Variants in TBC1D4 observed in about 807,000 individuals in gnomAD.
The protein encoded by TBC1D4 is TBC (Tre-2, BUB2, CDC16) domain-containing protein.
TBC1D4 carries 121 observed loss-of-function variants against 142.5 expected under a neutral mutation model. That is an observed-to-expected ratio of 0.85 (90% confidence interval 0.73 to 0.99). The LOEUF is 0.99. TBC1D4 is among the 50% of genes least tolerant of loss of function. The pLI, the probability that TBC1D4 is intolerant of heterozygous loss-of-function variation, is 0.00. For synonymous variants in TBC1D4, 630 were observed against 628.2 expected, an observed-to-expected ratio of 1.00 and a Z score of -0.04; for missense variants, 1,475 against 1,606.6, an observed-to-expected ratio of 0.92 and a Z score of 1.40.
intron 1 of TBC1D4, 55 bp downstream of exon 1, chr13:75,481,215 C>CACCCCCCA: frequency 8.0e-7 from 1 of 1,244,440 alleles, no homozygotes. Context: ...TCCCGCCCTG[C>CACCCCCCA]TCCCCGATCC....
chr13:75,306,747 T>C (rs1340044088), intron 14 of TBC1D4, among the ~76,000 whole-genome samples: 2 of 152,162 alleles, frequency 1.3e-5, no homozygotes, highest in African/African-American at 4.8e-5. Context: ...GTAAACCGTG[T>C]TGATCATTCT....
chr13:75,444,668 T>TA (rs975060322), intron 1 of TBC1D4, among the ~76,000 whole-genome samples: 1 of 152,152 alleles, frequency 6.6e-6, no homozygotes, highest in East Asian at 1.9e-4. Context: ...CCTTAACACT[T>TA]ACAAAACAAC....
chr13:75,324,266 T>A lies in TBC1D4; in HGVS notation c.2169A>T (p.Arg723Ser). Residue 723 changes from arginine (R) to serine (S), a missense_variant, in exon 11 of 21, where the codon AGA (arginine) becomes AGT (serine). Transcript: ENST00000377636. Reference sequence around the variant, plus strand: ...TTTCATTTTCATACTGTGGGGACAGTCTACCTGAATTCTGGTAAAAGCTTT... The same window carrying A: ...TTTCATTTTCATACTGTGGGGACAGACTACCTGAATTCTGGTAAAAGCTTT... Reference protein sequence around the residue: ...FLKSFYQNSGRLSPQYENEIR... With the variant: ...FLKSFYQNSGSLSPQYENEIR... 1.9e-6 allele frequency: 3 copies of A among 1,613,874 alleles called. No individual in the cohort carries two copies. The highest frequency in any genetic ancestry group is 2.5e-6 in the Non-Finnish European group (3 of 1,179,790).
At chr13:75,470,986 A>AAAAAATC (rs1888376097) in intron 1 of TBC1D4, among the ~76,000 whole-genome samples, 1 of 110,458 alleles carries the variant, frequency 9.1e-6, no homozygotes, top group South Asian at 2.6e-4. Flanking sequence ...CCCCTGTATC[A>AAAAAATC]AAAAAAAAAA....
chr13:75,300,352 G>A (rs1387075899), intron 16 of TBC1D4, among the ~76,000 whole-genome samples: 5 of 150,884 alleles, frequency 3.3e-5, no homozygotes, highest in Non-Finnish European at 3.0e-5. Flanking sequence ...AAACAAATCC[G>A]TCTTCACATC....
chr13:75,380,408 G>A (rs1166368806), intron 1 of TBC1D4, among the ~76,000 whole-genome samples: 2 of 151,962 alleles, frequency 1.3e-5, no homozygotes, highest in Non-Finnish European at 2.9e-5. Context: ...AGGAGGTGGA[G>A]GTTGCAGTGG....
At chr13:75,414,940 A>C (rs955298192) in intron 1 of TBC1D4, among the ~76,000 whole-genome samples, 8 of 152,092 alleles carry the variant, frequency 5.3e-5, no homozygotes, top group African/African-American at 1.9e-4. Context: ...CTTGGCCAAC[A>C]TGGTAAAACC....
At chr13:75,336,168 G>A (rs554003711) in intron 8 of TBC1D4, among the ~76,000 whole-genome samples, 76 of 152,226 alleles carry the variant, frequency 5.0e-4, no homozygotes, top group African/African-American at 1.8e-3. Context: ...GGAGGCCGAC[G>A]TGGGTGGATC....
At chr13:75,294,682 A>G (rs1041570534) in intron 18 of TBC1D4, among the ~76,000 whole-genome samples, 172 bp downstream of exon 18, 1 of 152,234 alleles carries the variant, frequency 6.6e-6, no homozygotes, top group Non-Finnish European at 1.5e-5. Context: ...TAAGACAAGT[A>G]TGATTTTAAG....
At chr13:75,329,838 T>C (rs553924047) in intron 8 of TBC1D4, among the ~76,000 whole-genome samples, 7 of 152,372 alleles carry the variant, frequency 4.6e-5, no homozygotes, top group African/African-American at 1.4e-4. Flanking sequence ...ATTGCTCAAA[T>C]GTCCTTTGTT....
chr13:75,458,519 G>A (rs1419291260), intron 1 of TBC1D4, among the ~76,000 whole-genome samples: 1 of 152,168 alleles, frequency 6.6e-6, no homozygotes, highest in African/African-American at 2.4e-5. Flanking sequence ...TAAGGCCATG[G>A]GTTTCTAGGC....
intron 19 of TBC1D4, 62 bp downstream of exon 19, chr13:75,292,040 G>T: frequency 7.2e-7 from 1 of 1,391,296 alleles, no homozygotes; most frequent in Non-Finnish European, 9.9e-7. Context: ...TTAGGCTAAA[G>T]CATTTAATAT....
At chr13:75,360,183 A>T (rs1053859060) in intron 2 of TBC1D4, among the ~76,000 whole-genome samples, 10 of 152,236 alleles carry the variant, frequency 6.6e-5, no homozygotes, top group Non-Finnish European at 1.3e-4. Flanking sequence ...TAAAAATAGT[A>T]ATTTTAAAAA....
chr13:75,333,648 C>T (rs779719243), intron 8 of TBC1D4, among the ~76,000 whole-genome samples: 2 of 152,140 alleles, frequency 1.3e-5, no homozygotes, highest in Admixed American at 1.3e-4. Context: ...AACTAAAATA[C>T]AACTTTCAAA....
chr13:75,307,169 C>A (rs1440578041), intron 14 of TBC1D4, among the ~76,000 whole-genome samples: 1 of 152,086 alleles, frequency 6.6e-6, no homozygotes, highest in African/African-American at 2.4e-5. Flanking sequence ...GCTATGCTGC[C>A]CAGGCTGGTC....
intron 7 of TBC1D4, 51 bp downstream of exon 7, chr13:75,341,074 A>T: frequency 1.9e-6 from 3 of 1,554,852 alleles, no homozygotes; most frequent in Non-Finnish European, 2.7e-6. Flanking sequence ...AAGAATTAAC[A>T]AAATTATTAA....
In TBC1D4 at chr13:75,287,002, G is replaced by A. The variant is rs1417731319; in HGVS notation, c.3687C>T (p.Ala1229=). 6.2e-7 allele frequency: 1 copy of A among 1,612,914 alleles called. No homozygotes were observed. Among genetic ancestry groups the A allele is most frequent in the Admixed American group, 1.7e-5 (1 of 59,912 alleles). ...KLQVAHTKIQ[A]LESNLENLLT... ...AAAGATTTTCCAGGTTTGATTCCAAGGCCTGGATTTTAGTATGAGCTACCT... is the reference window on the plus strand; with the variant it reads ...AAAGATTTTCCAGGTTTGATTCCAAAGCCTGGATTTTAGTATGAGCTACCT... The change falls in exon 21 of 21, where the codon GCC becomes GCT. Residue 1229 remains alanine (A), a synonymous_variant. Transcript: ENST00000377636.
intron 1 of TBC1D4, among the ~76,000 whole-genome samples, chr13:75,396,099 T>C (rs1173684963): frequency 2.0e-5 from 3 of 152,218 alleles, no homozygotes; most frequent in African/African-American, 4.8e-5. Flanking sequence ...CTGCTTATAA[T>C]TTATGTAAGG....
intron 5 of TBC1D4, 80 bp downstream of exon 5, chr13:75,349,090 A>C: frequency 6.2e-7 from 1 of 1,604,208 alleles, no homozygotes. Context: ...ACAAAGAACT[A>C]TTCAATGACA....
Sources: gnomAD v4.1 joint callset for allele counts (sites outside exome capture counted in the v4.1 genomes callset) on GRCh38, gnomAD v4.1.1 for gene constraint, MANE v1.5 for transcripts, NCBI Gene and HGNC (gene_info 2026-07-23, HGNC 2026-07-21) for gene names.